COL6A3: variants seen among roughly 807,000 people sequenced by gnomAD.
COL6A3 encodes collagen type VI alpha 3 chain.
Under a neutral mutation model 274.1 loss-of-function variants are expected in COL6A3, and 137 were observed. The observed-to-expected ratio is 0.50, with a 90% confidence interval of 0.44 to 0.58. The LOEUF (loss-of-function observed/expected upper bound fraction) is 0.58. Among genes scored for constraint, COL6A3 ranks in the 20% least tolerant of loss-of-function variants. The pLI, the probability that COL6A3 is intolerant of heterozygous loss-of-function variation, is 0.00. For missense variants in COL6A3, 3,950 were observed against 4,124.9 expected, an observed-to-expected ratio of 0.96 and a Z score of 1.16; for synonymous variants, 1,650 against 1,650.6, an observed-to-expected ratio of 1.00 and a Z score of 0.01.
At chr2:237,404,265 G>A (rs900998325) in intron 1 of COL6A3, among the ~76,000 whole-genome samples, 1 of 152,082 alleles carries the variant, frequency 6.6e-6, no homozygotes, top group East Asian at 1.9e-4. Context: ...GTGCAAAATT[G>A]CATCTATGGA....
chr2:237,363,917 G>C (rs2077491496), intron 13 of COL6A3, among the ~76,000 whole-genome samples: 1 of 152,124 alleles, frequency 6.6e-6, no homozygotes, highest in Non-Finnish European at 1.5e-5. Flanking sequence ...CCTTATGTTT[G>C]GTACGTCATT....
At chr2:237,386,578 A>G (rs2078148537) in intron 4 of COL6A3, 1 of 152,214 alleles carries the variant, frequency 6.6e-6, no homozygotes. Context: ...GAGCCTCGGT[A>G]TCCATTCACC....
rs1306260591 is a variant in COL6A3 at position 237,348,651 on chromosome 2, T to C, written c.6892A>G (p.Arg2298Gly). Residue 2298 changes from arginine (R) to glycine (G), a missense_variant, in exon 29 of 44, where the codon AGA becomes GGA. Physicochemically the swap from Arg to Gly is moderately radical, Grantham distance 125 (BLOSUM62 -2). Coordinates refer to ENST00000295550, the MANE Select transcript of COL6A3 (RefSeq NM_004369.4). ...GPRGETGDDG[R>G]DGVGSEGRRG... The stretch of plus-strand genomic sequence containing the variant: ...CGTCCTTCACTGCCAACTCCGTCTC[T>C]CCCGTCATCTCCCTAAGAGTGGGAA... 1.2e-6 allele frequency: 2 copies of C among 1,614,170 alleles called. No individual in the cohort carries two copies. Among genetic ancestry groups the C allele is most frequent in the Non-Finnish European group, 1.7e-6 (2 of 1,180,016 alleles).
Position 237,374,676 on chromosome 2 carries a change from G to A in COL6A3, c.3415C>T (p.Leu1139Phe), listed in dbSNP as rs1209770832. 9.3e-6 allele frequency: 15 copies of A among 1,613,910 alleles called. No homozygotes were observed. The highest frequency in any genetic ancestry group is 1.3e-5 in the Non-Finnish European group (15 of 1,179,844). Residue 1139 changes from leucine (L) to phenylalanine (F), a missense_variant, in exon 8 of 44, where the codon CTC becomes TTC. Leu to Phe is a conservative substitution (Grantham distance 22). Around this residue, in one of 5 missense-constraint regions of COL6A3, gnomAD observed 1,934 missense variants for 1,984.3 expected, o/e 0.97. Coordinates refer to ENST00000295550, the MANE Select transcript of COL6A3 (RefSeq NM_004369.4). The surrounding 1 kb of genome is among the most constrained non-coding windows in gnomAD (Gnocchi z 4.8). ...TEGVPQLLIV[L>F]TADRSGDDVR... The stretch of plus-strand genomic sequence containing the variant: ...TCATCCCCAGACCTGTCGGCCGTGA[G>A]GACGATCAGCAGCTGGGGCACACCT...
rs2077050682 is a variant in COL6A3, at chr2:237,344,215, T to C, written c.7668+135A>G. 1 of 1,357,790 alleles carries C rather than the reference T, an allele frequency of 7.4e-7. No individual in the cohort carries two copies. Among genetic ancestry groups the C allele is most frequent in the African/African-American group, 1.4e-5 (1 of 70,042 alleles). The allele number at this position is 1,357,790 out of a possible 1,614,324, so 84.1% of individuals were successfully genotyped here. A position where few individuals can be genotyped will look rare whatever the true frequency, so the allele number is the denominator to read the frequency against. ...CCTGGAGACCTCACAAGAGAAGTTC[T>C]CAGGCAGATGGCCTCATTGGGGACG... On this transcript the variant is annotated intron_variant, in intron 36 of 43. Coordinates refer to ENST00000295550, the MANE Select transcript of COL6A3 (RefSeq NM_004369.4). This position sits in a 1 kb window ranked among gnomAD's most constrained non-coding sequence, Gnocchi z 4.8.
At chr2:237,337,919 A>G (rs1205951337) in intron 39 of COL6A3, among the ~76,000 whole-genome samples, 1 of 151,950 alleles carries the variant, frequency 6.6e-6, no homozygotes, top group African/African-American at 2.4e-5. Flanking sequence ...ATGACTTCCT[A>G]TTATTACCAT....
In COL6A3 at chr2:237,413,004, C is replaced by T. The variant is rs2078894008; in HGVS notation, c.-31+949G>A. ...ACTCCCTAGTCCCTCCCAGTGACCC[C>T]ACCCATACTTCAATACCCGTTCATT... On this transcript the variant is annotated intron_variant, in intron 1 of 43. Coordinates refer to ENST00000295550, the MANE Select transcript of COL6A3 (RefSeq NM_004369.4). The surrounding 1 kb of genome is among the most constrained non-coding windows in gnomAD (Gnocchi z 4.0). Among the ~76,000 whole-genome samples, 1 of 152,184 alleles carries T rather than the reference C, an allele frequency of 6.6e-6. No homozygotes were observed. The highest frequency in any genetic ancestry group is 2.4e-5 in the African/African-American group (1 of 41,448).
chr2:237,359,976 A>G (rs1209147317), intron 17 of COL6A3, 112 bp downstream of exon 17: 1 of 1,108,194 alleles, frequency 9.0e-7, no homozygotes, highest in Non-Finnish European at 1.4e-6. Flanking sequence ...CGGGCTGCTG[A>G]ATGCTGAGGT....
intron 21 of COL6A3, among the ~76,000 whole-genome samples, chr2:237,358,144 C>G (rs1020984739): frequency 1.3e-5 from 2 of 152,142 alleles, no homozygotes; most frequent in Non-Finnish European, 2.9e-5. Context: ...CCTGCTTATC[C>G]TTGGCCACAG....
intron 14 of COL6A3, among the ~76,000 whole-genome samples, 183 bp from the exon 15 acceptor site, chr2:237,362,014 G>T (rs947350547): frequency 2.0e-5 from 3 of 152,160 alleles, no homozygotes; most frequent in African/African-American, 7.2e-5. Context: ...AGTCAGGAGG[G>T]CCCAGCTCCT....
chr2:237,344,134 G>A lies in COL6A3; in HGVS notation c.7668+216C>T, dbSNP rs2106324331. ...GCTGTCAACATGTGAGGAGGGACCT[G>A]GGGGCAGTGCTACAAGCATGTAGGC... On this transcript the variant is annotated intron_variant, in intron 36 of 43. Coordinates refer to ENST00000295550, the MANE Select transcript of COL6A3 (RefSeq NM_004369.4). The surrounding 1 kb of genome is among the most constrained non-coding windows in gnomAD (Gnocchi z 4.8). 5.8e-6 allele frequency: 4 copies of A among 685,262 alleles called. No homozygotes were observed. In the South Asian group the frequency reaches 6.6e-5, roughly 11 times the overall value. 42.4% of individuals were successfully genotyped at this position (685,262 alleles called of 1,614,324 possible). A position where few individuals can be genotyped will look rare whatever the true frequency, so the allele number is the denominator to read the frequency against.
Position 237,364,227 on chromosome 2 carries a change from G to A in COL6A3, c.5917+123C>T. 1.3e-6 allele frequency: 1 copy of A among 789,016 alleles called. No individual in the cohort carries two copies. Among genetic ancestry groups the A allele is most frequent in the Non-Finnish European group, 2.2e-6 (1 of 454,390 alleles). 48.9% of individuals were successfully genotyped at this position (789,016 alleles called of 1,614,324 possible). Reference sequence around the variant, plus strand: ...AAGGGCCACAACGCTGGGAGGAAGAGTCTCCCAAGACAACGCTGCTCCCTT... The same window carrying A: ...AAGGGCCACAACGCTGGGAGGAAGAATCTCCCAAGACAACGCTGCTCCCTT... On this transcript the variant is annotated intron_variant, in intron 13 of 43. Coordinates refer to ENST00000295550, the MANE Select transcript of COL6A3 (RefSeq NM_004369.4). The surrounding 1 kb of genome is among the most constrained non-coding windows in gnomAD (Gnocchi z 4.6).
intron 6 of COL6A3, among the ~76,000 whole-genome samples, chr2:237,378,110 TA>T (rs2106365891): frequency 6.6e-6 from 1 of 152,344 alleles, no homozygotes; most frequent in South Asian, 2.1e-4. Flanking sequence ...ACCACCATAA[TA>T]ATTTGCAATA....
At chr2:237,406,832 C>T (rs567031674) in intron 1 of COL6A3, among the ~76,000 whole-genome samples, 126 of 151,942 alleles carry the variant, frequency 8.3e-4, no homozygotes, top group African/African-American at 2.9e-3. Flanking sequence ...CAAGAAACCT[C>T]CAAAGAAATA....
intron 1 of COL6A3, among the ~76,000 whole-genome samples, chr2:237,406,612 G>A (rs7590055): frequency 0.043 from 6,576 of 152,182 alleles, 485 homozygotes; most frequent in African/African-American, 0.15. Context: ...AAGAAGGAGC[G>A]CCCCATTTCT....
chr2:237,396,655 C>T (rs1158369087), intron 2 of COL6A3, 72 bp downstream of exon 2: 3 of 1,441,882 alleles, frequency 2.1e-6, no homozygotes, highest in Non-Finnish European at 2.9e-6. Context: ...TATGTCAGTG[C>T]CTGATGTCTA....
In COL6A3 at chr2:237,381,219, A is replaced by T; in HGVS notation, c.1593T>A (p.Phe531Leu). 1 of 1,614,260 alleles carries T rather than the reference A, an allele frequency of 6.2e-7. No homozygotes were observed. The change falls in exon 5 of 44, where the codon TTT becomes TTA. Residue 531 changes from phenylalanine to leucine, a missense_variant. Phe to Leu is a conservative substitution (Grantham distance 22). Transcript: ENST00000295550. ...SALYTGSALD[F>L]VRNNLFTSSA... ...AACTCGTGAATAGGTTGTTACGAAC[A>T]AAGTCTAGAGCAGAGCCCGTGTACA... is the stretch of plus-strand genomic sequence containing the variant.
chr2:237,351,588 AT>A (rs778284902), intron 26 of COL6A3, among the ~76,000 whole-genome samples: 1 of 152,230 alleles, frequency 6.6e-6, no homozygotes, highest in African/African-American at 2.4e-5. Flanking sequence ...TGTTAGGTGA[AT>A]GAATAAACTG....
intron 23 of COL6A3, 145 bp downstream of exon 23, chr2:237,357,193 T>C: frequency 1.3e-6 from 1 of 795,984 alleles, no homozygotes. Context: ...AGAATGAAAA[T>C]AGATTGGAGT....
Sources: allele counts gnomAD v4.1 joint callset (sites outside exome capture counted in the v4.1 genomes callset), GRCh38; gene constraint gnomAD v4.1.1; regional missense constraint gnomAD v4.1.1; non-coding constraint Gnocchi (gnomAD v3.1); transcripts MANE v1.5; gene names NCBI Gene and HGNC (gene_info 2026-07-23, HGNC 2026-07-21).